EXD3: variants seen among roughly 807,000 people sequenced by gnomAD.
The protein encoded by EXD3 is exonuclease 3'-5' domain containing 3.
EXD3 carries 92 observed loss-of-function variants against 98.0 expected under a neutral mutation model. The ratio of observed to expected loss-of-function variants is 0.94; its 90% CI spans 0.79 to 1.12. EXD3 has a LOEUF of 1.12. Ranked by LOEUF, EXD3 falls within the 50% of genes most tolerant of loss-of-function variation. EXD3 has a pLI of 0.00. For synonymous variants in EXD3, 569 were observed against 526.0 expected (o/e 1.08, Z -1.12); for missense variants, 1,222 against 1,191.6 (o/e 1.03, Z -0.38).
rs568336674 is a variant in EXD3, at chr9:137,393,302, G to A, written c.55+2001C>T. ...GTCCCATGCGCTCCCCGGCCCTGAC[G>A]GCGGTCTCCAGGGGAGGTAACAGGG... is the stretch of plus-strand genomic sequence containing the variant. On this transcript the variant is annotated intron_variant, in intron 2 of 21. Coordinates refer to ENST00000340951, the MANE Select transcript of EXD3 (RefSeq NM_017820.5). This position sits in a 1 kb window ranked among gnomAD's most constrained non-coding sequence, Gnocchi z 4.6. The A allele has an allele frequency of 1.0e-5, 7 of 697,820 alleles. No individual in the cohort carries two copies. Among genetic ancestry groups the A allele is most frequent in the African/African-American group, 3.5e-5 (2 of 57,084 alleles). The allele number at this position is 697,820 out of a possible 1,614,324, so 43.2% of individuals were successfully genotyped here.
intron 17 of EXD3, among the ~76,000 whole-genome samples, chr9:137,336,437 G>A (rs1833354700): frequency 6.6e-6 from 1 of 152,106 alleles, no homozygotes; most frequent in African/African-American, 2.4e-5. Flanking sequence ...GAAGCAGGTG[G>A]ATTACTTGAG....
chr9:137,378,197 TG>T (rs1463883657), intron 3 of EXD3, among the ~76,000 whole-genome samples: 1 of 151,806 alleles, frequency 6.6e-6, no homozygotes. Context: ...AAGATTTATT[TG>T]TTTATTTATT....
rs188697102 is a variant in EXD3, at chr9:137,383,440, G to A, written c.56-63C>T. The A allele has an allele frequency of 1.9e-4, 245 of 1,298,964 alleles. 3 individuals are homozygous for A. The East Asian group carries it at 4.9e-3, about 26-fold the overall frequency. The allele number at this position is 1,298,964 out of a possible 1,614,324, so 80.5% of individuals were successfully genotyped here. On this transcript the variant is annotated intron_variant, in intron 2 of 21. Coordinates refer to ENST00000340951, the MANE Select transcript of EXD3 (RefSeq NM_017820.5). Reference sequence around the variant, plus strand: ...AGGTGCAGGGGCTATCGCACAGCCCGCCGGGAAGTCCCTCCCACTGACCCG... The same window carrying A: ...AGGTGCAGGGGCTATCGCACAGCCCACCGGGAAGTCCCTCCCACTGACCCG...
At chr9:137,392,981 G>C in intron 2 of EXD3, 1 of 597,166 alleles carries the variant, frequency 1.7e-6, no homozygotes, top group East Asian at 2.8e-5. Flanking sequence ...TGTTCCAGGG[G>C]GCACCGAGGC....
chr9:137,416,339 G>A (rs1176097189), intron 1 of EXD3, among the ~76,000 whole-genome samples: 1 of 152,190 alleles, frequency 6.6e-6, no homozygotes, highest in African/African-American at 2.4e-5. Flanking sequence ...GGGCCCTCAC[G>A]ACCTATCTCC....
rs1369431060 is a variant in EXD3 at position 137,349,175 on chromosome 9, C to T, written c.1765G>A (p.Glu589Lys). 1 of 1,594,064 alleles carries T rather than the reference C, an allele frequency of 6.3e-7. No homozygotes were observed. Among genetic ancestry groups the T allele is most frequent in the African/African-American group, 1.3e-5 (1 of 74,886 alleles). The change falls in exon 16 of 22, where the codon GAG becomes AAG. Residue 589 changes from glutamate (E) to lysine (K), a missense_variant. Physicochemically the swap from Glu to Lys is moderately conservative, Grantham distance 56 (BLOSUM62 1). Coordinates refer to ENST00000340951, the MANE Select transcript of EXD3 (RefSeq NM_017820.5). The surrounding 1 kb of genome is among the most constrained non-coding windows in gnomAD (Gnocchi z 7.4). ...GGTGGCTTCCGTGCCCCTGGTCTCT[C>T]TCTGTGCCTGGGCCTCCGGCTCCCA... ...LAGSRRPRHR[E>K]RPGARKPPGL...
intron 1 of EXD3, among the ~76,000 whole-genome samples, chr9:137,418,554 C>T (rs1425280262): frequency 6.6e-6 from 1 of 152,176 alleles, no homozygotes; most frequent in Non-Finnish European, 1.5e-5. Context: ...TTTCCATCTA[C>T]ACATACAGTT....
At chr9:137,323,636 C>T (rs1405599020) in intron 19 of EXD3, 89 bp downstream of exon 19, 52 of 1,510,262 alleles carry the variant, frequency 3.4e-5, no homozygotes, top group African/African-American at 4.1e-5. Flanking sequence ...AGACCCACCA[C>T]TGTCTAGGGT....
In EXD3 at chr9:137,385,506, A is replaced by G. The variant is rs973013301; in HGVS notation, c.56-2129T>C. ...TTCCTACACATGGGTTGCACTTCAC[A>G]ATAAACAAAAGAGACTTTTATTTTG... On this transcript the variant is annotated intron_variant, in intron 2 of 21. Coordinates refer to ENST00000340951, the MANE Select transcript of EXD3 (RefSeq NM_017820.5). The surrounding 1 kb of genome is among the most constrained non-coding windows in gnomAD (Gnocchi z 4.4). 6.6e-6 allele frequency among the ~76,000 whole-genome samples: 1 copy of G among 152,184 alleles called. No individual in the cohort carries two copies. Among genetic ancestry groups the G allele is most frequent in the Non-Finnish European group, 1.5e-5 (1 of 68,034 alleles).
chr9:137,407,542 C>T lies in EXD3; in HGVS notation c.-47-12138G>A, dbSNP rs1431264168. Among the ~76,000 whole-genome samples, 2 of 152,222 alleles carry T rather than the reference C, an allele frequency of 1.3e-5. No homozygotes were observed. Among genetic ancestry groups the T allele is most frequent in the Non-Finnish European group, 2.9e-5 (2 of 68,022 alleles). On this transcript the variant is annotated intron_variant, in intron 1 of 21. Coordinates refer to ENST00000340951, the MANE Select transcript of EXD3 (RefSeq NM_017820.5). This position sits in a 1 kb window ranked among gnomAD's most constrained non-coding sequence, Gnocchi z 4.4. Reference sequence around the variant, plus strand: ...ACCCAGCGTCCCCGCCCCCATCTCCCGGGATCCCTTGGCTAAGGGAGGGTG... The same window carrying T: ...ACCCAGCGTCCCCGCCCCCATCTCCTGGGATCCCTTGGCTAAGGGAGGGTG...
intron 1 of EXD3, among the ~76,000 whole-genome samples, chr9:137,411,617 C>T (rs1054960251): frequency 4.0e-5 from 6 of 151,348 alleles, no homozygotes; most frequent in Admixed American, 1.3e-4. Context: ...AGGCCAGCGG[C>T]GGCCGTCAGT....
At position 137,324,075 on chromosome 9, in the gene EXD3, C is replaced by T; in HGVS notation, c.2052+15G>A. On this transcript the variant is annotated intron_variant, in intron 18 of 21. Transcript: ENST00000340951. The surrounding 1 kb of genome is among the most constrained non-coding windows in gnomAD (Gnocchi z 4.1). ...TGGGGCTCAGGCCCACTGAGCTTAT[C>T]TTTGGGACACTCACCTTGTGGAATG... The T allele has an allele frequency of 6.3e-7, 1 of 1,581,132 alleles. No individual in the cohort carries two copies. Among genetic ancestry groups the T allele is most frequent in the South Asian group, 1.2e-5 (1 of 86,318 alleles).
At chr9:137,416,895 G>A (rs534481480) in intron 1 of EXD3, among the ~76,000 whole-genome samples, 1 of 152,344 alleles carries the variant, frequency 6.6e-6, no homozygotes, top group South Asian at 2.1e-4. Flanking sequence ...GCTGGGCTCG[G>A]GACTGATGAC....
intron 3 of EXD3, among the ~76,000 whole-genome samples, chr9:137,379,787 T>C (rs1275782601): frequency 6.6e-6 from 1 of 151,970 alleles, no homozygotes; most frequent in Non-Finnish European, 1.5e-5. Context: ...CCCGGAGTTC[T>C]GCAGCACCCG....
intron 7 of EXD3, chr9:137,365,543 C>T (rs1194919139): frequency 5.9e-6 from 1 of 168,720 alleles, no homozygotes. Flanking sequence ...CACATGCATG[C>T]ACACACAGAC....
intron 17 of EXD3, chr9:137,345,677 G>GAAAGAAAAGA (rs1423795986): frequency 1.6e-5 from 2 of 123,112 alleles, no homozygotes; most frequent in African/African-American, 2.7e-5. Flanking sequence ...AAAAAAAAAG[G>GAAAGAAAAGA]AAAGAAAAGA....
Position 137,373,560 on chromosome 9 carries a change from C to T in EXD3, c.160G>A (p.Asp54Asn), listed in dbSNP as rs762400259. 1.5e-5 allele frequency: 24 copies of T among 1,603,294 alleles called. No individual in the cohort carries two copies. The African/African-American group carries it at 1.7e-4, about 12-fold the overall frequency. ...ATGTCCAGAAGCCCGGCCAGGGGGTCGTCCAAGGCAGCAAACCCCCGCCAG... is the reference window on the plus strand; with the variant it reads ...ATGTCCAGAAGCCCGGCCAGGGGGTTGTCCAAGGCAGCAAACCCCCGCCAG... The part of the protein sequence containing the change: ...EAWRGFAALD[D>N]PLAGLLDMLE... The change falls in exon 4 of 22, where the codon GAC (aspartate) becomes AAC (asparagine). Residue 54 changes from aspartate to asparagine, a missense_variant. Asp to Asn is a conservative substitution (Grantham distance 23). Transcript: ENST00000340951.
In EXD3 at chr9:137,393,391, C is replaced by CG. The variant is rs1837041674; in HGVS notation, c.55+1911dup. On this transcript the variant is annotated intron_variant, in intron 2 of 21. Transcript: ENST00000340951. This position sits in a 1 kb window ranked among gnomAD's most constrained non-coding sequence, Gnocchi z 4.6. ...GGCCTCAGAGGAGGCGGTGGATGAA[C>CG]GGAAGGGTGAGGGGGTCTGGGCCCA... Among the ~76,000 whole-genome samples the CG allele has an allele frequency of 6.6e-6, 1 of 152,034 alleles. No homozygotes were observed. The highest frequency in any genetic ancestry group is 1.5e-5 in the Non-Finnish European group (1 of 67,974).
chr9:137,378,331 C>T (rs957222405), intron 3 of EXD3, among the ~76,000 whole-genome samples: 3 of 152,146 alleles, frequency 2.0e-5, no homozygotes, highest in Admixed American at 6.5e-5. Flanking sequence ...GCCTCAGCCT[C>T]GCAAATAGCA....
Sources: allele counts gnomAD v4.1 joint callset (sites outside exome capture counted in the v4.1 genomes callset), GRCh38; gene constraint gnomAD v4.1.1; non-coding constraint Gnocchi (gnomAD v3.1); transcripts MANE v1.5; gene names NCBI Gene and HGNC (gene_info 2026-07-23, HGNC 2026-07-21).